NRSN2: variants seen among roughly 807,000 people sequenced by gnomAD.
NRSN2 encodes neurensin 2.
A neutral mutation model predicts 11.1 loss-of-function variants in NRSN2; 10 were observed. That is an observed-to-expected ratio of 0.90 (90% CI 0.56 to 1.53). The LOEUF (loss-of-function observed/expected upper bound fraction) is 1.53. NRSN2 is among the 40% of genes most tolerant of loss of function. NRSN2 has a pLI of 0.00. For missense variants in NRSN2, 260 were observed against 273.7 expected (o/e 0.95, Z 0.35); for synonymous variants, 100 against 117.0 (o/e 0.86, Z 0.94).
In NRSN2 at chr20:353,779, G is replaced by A; in HGVS notation, c.*144G>A. The A allele has an allele frequency of 1.2e-6, 1 of 868,812 alleles. No individual in the cohort carries two copies. Among genetic ancestry groups the A allele is most frequent in the Non-Finnish European group, 1.7e-6 (1 of 584,392 alleles). The allele number at this position is 868,812 out of a possible 1,614,324, so 53.8% of individuals were successfully genotyped here. On this transcript the variant is annotated 3_prime_UTR_variant, in exon 5 of 5. Coordinates refer to ENST00000382285, the MANE Select transcript of NRSN2 (RefSeq NM_001323682.2). The stretch of plus-strand genomic sequence containing the variant: ...GGTCAAATCTGGAGCTCAAATCCCA[G>A]TGCTCCCTCCCCAGGAGTGGGGCCC...
In NRSN2 at chr20:353,396, G is replaced by C. The variant is rs375340248; in HGVS notation, c.376G>C (p.Ala126Pro). The C allele has an allele frequency of 1.2e-4, 200 of 1,613,860 alleles. No individual in the cohort carries two copies. Among genetic ancestry groups the C allele is most frequent in the Non-Finnish European group, 1.6e-4 (187 of 1,180,024 alleles). ...RLAGTALCVA[A>P]GVLLAICLFW... ...GGCAGGCACAGCGCTCTGTGTGGCA[G>C]CTGGAGTTCTGCTCGCCATCTGCCT... Residue 126 changes from alanine (A) to proline (P), a missense_variant, in exon 5 of 5, where the codon GCT becomes CCT. Transcript: ENST00000382285.
intron 4 of NRSN2, among the ~76,000 whole-genome samples, chr20:351,005 GA>G (rs1183924678): frequency 6.6e-6 from 1 of 152,200 alleles, no homozygotes; most frequent in Non-Finnish European, 1.5e-5. Context: ...AAGGTGGGTG[GA>G]TCACCTGAGG....
At position 353,801 on chromosome 20, in the gene NRSN2, G is replaced by A; in HGVS notation, c.*166G>A. ...CCAGTGCTCCCTCCCCAGGAGTGGG[G>A]CCCCAACTCTTCCAAGATACCAGCA... On this transcript the variant is annotated 3_prime_UTR_variant, in exon 5 of 5. Transcript: ENST00000382285. 4.3e-6 allele frequency: 3 copies of A among 705,784 alleles called. No homozygotes were observed. In the South Asian group the frequency reaches 6.2e-5, roughly 15 times the overall value. 43.7% of individuals were successfully genotyped at this position (705,784 alleles called of 1,614,324 possible).
chr20:353,156 C>T (rs911518980), intron 4 of NRSN2, 54 bp from the exon 5 acceptor site: 3 of 1,571,914 alleles, frequency 1.9e-6, no homozygotes, highest in African/African-American at 1.4e-5. Flanking sequence ...GATCCCTTGG[C>T]CAGGGGCCCC....
intron 3 of NRSN2, 126 bp downstream of exon 3, chr20:349,489 CA>C: frequency 1.6e-6 from 1 of 606,602 alleles, no homozygotes. Flanking sequence ...GCTGGGATTC[CA>C]AAAGGCCAGA....
chr20:350,646 C>CAAAAAAAAAAAAAAAA, intron 4 of NRSN2, among the ~76,000 whole-genome samples: 1 of 39,400 alleles, frequency 2.5e-5, no homozygotes, highest in Non-Finnish European at 4.0e-5. Context: ...GACTCTGTCT[C>CAAAAAAAAAAAAAAAA]AAAAAAAAAA....
Position 353,702 on chromosome 20 carries a change from G to T in NRSN2, c.*67G>T. The T allele has an allele frequency of 1.3e-6, 2 of 1,502,166 alleles. No individual in the cohort carries two copies. Among genetic ancestry groups the T allele is most frequent in the South Asian group, 2.4e-5 (2 of 84,060 alleles). The allele number at this position is 1,502,166 out of a possible 1,614,324, so 93.1% of individuals were successfully genotyped here. On this transcript the variant is annotated 3_prime_UTR_variant, in exon 5 of 5. Coordinates refer to ENST00000382285, the MANE Select transcript of NRSN2 (RefSeq NM_001323682.2). ...CCCTTCTCACCATAACCCCCTCTCA[G>T]TGTTTCCCCAACTTCTCCCTTTTAG...
chr20:351,806 C>T (rs1568518097), intron 4 of NRSN2, among the ~76,000 whole-genome samples: 1 of 152,182 alleles, frequency 6.6e-6, no homozygotes. Context: ...AACCCCAGCA[C>T]GTTATTTTGT....
At chr20:352,724 C>G (rs548848024) in intron 4 of NRSN2, among the ~76,000 whole-genome samples, 55 of 152,322 alleles carry the variant, frequency 3.6e-4, no homozygotes, top group African/African-American at 1.3e-3. Context: ...GCGGGAGAGG[C>G]AGACGTCACT....
At position 349,807 on chromosome 20, in the gene NRSN2, G is replaced by A. The variant is rs780211474; in HGVS notation, c.164G>A (p.Arg55Gln). 19 of 1,613,286 alleles carry A rather than the reference G, an allele frequency of 1.2e-5. No homozygotes were observed. Among genetic ancestry groups the A allele is most frequent in the African/African-American group, 5.3e-5 (4 of 74,912 alleles). Residue 55 changes from arginine to glutamine, a missense_variant, in exon 4 of 5, where the codon CGG becomes CAG. Arg to Gln is a conservative substitution (Grantham distance 43). Transcript: ENST00000382285. ...PEGPPVLCPR[R>Q]PWPSLCWKIS... ...GGACCTCCGGTCCTGTGCCCCCGCC[G>A]GCCCTGGCCCTCACTGTGTTGGAAG...
At chr20:351,106 A>G (rs2013933104) in intron 4 of NRSN2, among the ~76,000 whole-genome samples, 1 of 152,066 alleles carries the variant, frequency 6.6e-6, no homozygotes, top group South Asian at 2.1e-4. Context: ...ATGGGCGCCT[A>G]TAATCCCAGC....
rs1357211798 is a variant in NRSN2 at position 353,789 on chromosome 20, C to T, written c.*154C>T. On this transcript the variant is annotated 3_prime_UTR_variant, in exon 5 of 5. Transcript: ENST00000382285. ...GGAGCTCAAATCCCAGTGCTCCCTC[C>T]CCAGGAGTGGGGCCCCAACTCTTCC... 1.1e-5 allele frequency: 9 copies of T among 818,458 alleles called. No homozygotes were observed. In the South Asian group the frequency reaches 1.7e-4, roughly 16 times the overall value. The allele number at this position is 818,458 out of a possible 1,614,324, so 50.7% of individuals were successfully genotyped here. A position where few individuals can be genotyped will look rare whatever the true frequency, so the allele number is the denominator to read the frequency against.
chr20:348,991 G>A (rs1418369531), intron 2 of NRSN2, among the ~76,000 whole-genome samples: 1 of 152,062 alleles, frequency 6.6e-6, no homozygotes. Flanking sequence ...GCTTTCAGGG[G>A]CAGTCCTGGG....
rs2013783340 is a variant in NRSN2, at chr20:349,802, C to G, written c.159C>G (p.Pro53=). The change falls in exon 4 of 5, where the codon CCC becomes CCG. Residue 53 remains proline (P), a synonymous_variant. Transcript: ENST00000382285. ...CTGAGGGACCTCCGGTCCTGTGCCCCCGCCGGCCCTGGCCCTCACTGTGTT... is the reference window on the plus strand; with the variant it reads ...CTGAGGGACCTCCGGTCCTGTGCCCGCGCCGGCCCTGGCCCTCACTGTGTT... ...DDPEGPPVLC[P]RRPWPSLCWK... The G allele has an allele frequency of 1.9e-6, 3 of 1,613,544 alleles. No homozygotes were observed. The highest frequency in any genetic ancestry group is 1.7e-6 in the Non-Finnish European group (2 of 1,180,006).
chr20:349,569 T>C (rs1446385605), intron 3 of NRSN2, 69 bp from the exon 4 acceptor site: 59 of 1,323,990 alleles, frequency 4.5e-5, no homozygotes, highest in Non-Finnish European at 5.8e-5. Context: ...TTAGGGGGCT[T>C]ATGAAGGTCA....
intron 2 of NRSN2, chr20:348,072 C>T (rs1233966479): frequency 6.5e-6 from 1 of 152,872 alleles, no homozygotes; most frequent in Non-Finnish European, 1.5e-5. Flanking sequence ...AGGTCAACAG[C>T]CCCGAAGCCC....
In NRSN2 at chr20:349,266, C is replaced by G. The variant is rs2013724885; in HGVS notation, c.-104C>G. ...TTTTACAGATGAGGAAACTGAGACCCAGAAAGGTGGAAGCACTTGTCTAAG... is the reference window on the plus strand; with the variant it reads ...TTTTACAGATGAGGAAACTGAGACCGAGAAAGGTGGAAGCACTTGTCTAAG... On this transcript the variant is annotated 5_prime_UTR_variant, in exon 3 of 5. Transcript: ENST00000382285. 5.5e-6 allele frequency: 1 copy of G among 183,348 alleles called. No homozygotes were observed. The highest frequency in any genetic ancestry group is 2.3e-5 in the African/African-American group (1 of 42,618). 11.4% of individuals were successfully genotyped at this position (183,348 alleles called of 1,614,324 possible).
chr20:352,683 C>T (rs2014062631), intron 4 of NRSN2, among the ~76,000 whole-genome samples: 1 of 152,224 alleles, frequency 6.6e-6, no homozygotes, highest in African/African-American at 2.4e-5. Flanking sequence ...CCAAAACAGG[C>T]ACAGTCTGCT....
At position 353,204 on chromosome 20, in the gene NRSN2, C is replaced by G; in HGVS notation, c.190-6C>G. The G allele has an allele frequency of 3.1e-6, 5 of 1,613,234 alleles. No individual in the cohort carries two copies. The highest frequency in any genetic ancestry group is 4.2e-6 in the Non-Finnish European group (5 of 1,179,764). On this transcript the variant is annotated splice_polypyrimidine_tract_variant and splice_region_variant and intron_variant, in intron 4 of 4. Coordinates refer to ENST00000382285, the MANE Select transcript of NRSN2 (RefSeq NM_001323682.2). Reference sequence around the variant, plus strand: ...ACTGCTTCCTGGTCTGTCTGCTTCTCCCTAGATCAGCCTGTCCTCGGGGAC... The same window carrying G: ...ACTGCTTCCTGGTCTGTCTGCTTCTGCCTAGATCAGCCTGTCCTCGGGGAC...
Sources: gnomAD v4.1 joint callset for allele counts (sites outside exome capture counted in the v4.1 genomes callset) on GRCh38, gnomAD v4.1.1 for gene constraint, MANE v1.5 for transcripts, NCBI Gene and HGNC (gene_info 2026-07-23, HGNC 2026-07-21) for gene names.